Variants in ATP9B observed in about 807,000 individuals in gnomAD.
ATP9B encodes the protein ATPase phospholipid transporting 9B.
A neutral mutation model predicts 146.1 loss-of-function variants in ATP9B; 110 were observed. That is an observed-to-expected ratio of 0.75 (90% CI 0.65 to 0.88). The LOEUF is 0.88. Ranked by LOEUF, ATP9B falls within the 40% of genes least tolerant of loss-of-function variation. The pLI is 0.00. For missense variants in ATP9B, 1,499 were observed against 1,496.4 expected, an observed-to-expected ratio of 1.00 and a Z score of -0.03; for synonymous variants, 604 against 569.7, an observed-to-expected ratio of 1.06 and a Z score of -0.86.
intron 11 of ATP9B, among the ~76,000 whole-genome samples, chr18:79,218,873 C>T (rs1388755459): frequency 2.0e-5 from 3 of 152,296 alleles, no homozygotes; most frequent in Non-Finnish European, 4.4e-5. Flanking sequence ...ACTTCTAGCT[C>T]GTGTGCAGAA....
At chr18:79,316,241 G>A (rs544390427) in intron 15 of ATP9B, among the ~76,000 whole-genome samples, 14 of 152,236 alleles carry the variant, frequency 9.2e-5, no homozygotes, top group South Asian at 4.2e-4. Flanking sequence ...ACAAATGGCC[G>A]GTCGTGCAGG....
chr18:79,374,097 T>G lies in ATP9B; in HGVS notation c.3270T>G (p.Tyr1090Ter). The change falls in exon 28 of 30, where the codon TAT (tyrosine) becomes TAG (stop). Residue 1090 changes from tyrosine to a stop codon, truncating the protein, a stop_gained. Transcript: ENST00000426216. LOFTEE classifies it high-confidence loss of function. ...CCTCACTCGCTTTTCTCAATGAATA[T>G]TTTGGTAAGTTGCCTTGGAATTGTT... is the stretch of plus-strand genomic sequence containing the variant. ...YVSSLAFLNE[Y>*]FGIGRVSFGA... is the part of the protein sequence containing the mutation. 1 of 1,614,072 alleles carries G rather than the reference T, an allele frequency of 6.2e-7. No homozygotes were observed. Among genetic ancestry groups the G allele is most frequent in the Non-Finnish European group, 8.5e-7 (1 of 1,179,976 alleles).
intron 8 of ATP9B, among the ~76,000 whole-genome samples, chr18:79,180,815 CAG>C (rs1287784251): frequency 1.3e-5 from 2 of 150,720 alleles, no homozygotes; most frequent in Non-Finnish European, 3.0e-5. Context: ...TTTTTTGAGA[CAG>C]AGTCTCGCTC....
At chr18:79,156,605 G>T (rs1421350908) in intron 7 of ATP9B, among the ~76,000 whole-genome samples, 1 of 152,136 alleles carries the variant, frequency 6.6e-6, no homozygotes, top group African/African-American at 2.4e-5. Flanking sequence ...ATGATAGCTG[G>T]TGTTTCCTTA....
chr18:79,163,431 G>T (rs977084321), intron 7 of ATP9B, among the ~76,000 whole-genome samples: 1 of 151,998 alleles, frequency 6.6e-6, no homozygotes, highest in Non-Finnish European at 1.5e-5. Flanking sequence ...ATTCTCACTT[G>T]TTTTTTTCTT....
At chr18:79,116,940 T>TAAAAAAAAAAAAAAAAAAA (rs377608135) in intron 4 of ATP9B, among the ~76,000 whole-genome samples, 1 of 106,802 alleles carries the variant, frequency 9.4e-6, no homozygotes, top group African/African-American at 3.6e-5. Context: ...AAAAAAAAAT[T>TAAAAAAAAAAAAAAAAAAA]AAAAAAAAAA....
chr18:79,309,408 C>T (rs1194218408), intron 15 of ATP9B, among the ~76,000 whole-genome samples: 1,869 of 139,058 alleles, frequency 0.013, 3 homozygotes, highest in Non-Finnish European at 0.017. Context: ...GGAGTGATCC[C>T]CAGCAGGTAG....
chr18:79,280,063 A>G (rs1037133537), intron 13 of ATP9B, among the ~76,000 whole-genome samples: 1 of 152,244 alleles, frequency 6.6e-6, no homozygotes, highest in Non-Finnish European at 1.5e-5. Context: ...AAAAGCAAGC[A>G]ACTGTCTAGA....
chr18:79,342,868 C>G (rs1433429652), intron 20 of ATP9B, among the ~76,000 whole-genome samples: 3 of 152,156 alleles, frequency 2.0e-5, no homozygotes, highest in Non-Finnish European at 4.4e-5. Context: ...GTGAAACAAG[C>G]TATAAATACA....
intron 13 of ATP9B, among the ~76,000 whole-genome samples, chr18:79,286,050 A>G (rs1198832000): frequency 4.6e-5 from 7 of 151,496 alleles, no homozygotes; most frequent in East Asian, 1.9e-4. Context: ...GTCAGGTAGC[A>G]TGATGCCTCC....
Position 79,345,823 on chromosome 18 carries a change from T to C in ATP9B, c.2666T>C (p.Ile889Thr), listed in dbSNP as rs776059320. 13 of 1,614,226 alleles carry C rather than the reference T, an allele frequency of 8.1e-6. No homozygotes were observed. Among genetic ancestry groups the C allele is most frequent in the Middle Eastern group, 1.6e-4 (1 of 6,062 alleles). The change falls in exon 23 of 30, where the codon ATT becomes ACT. Residue 889 changes from isoleucine to threonine, a missense_variant. Physicochemically the swap from Ile to Thr is moderately conservative, Grantham distance 89 (BLOSUM62 -1). Coordinates refer to ENST00000426216, the MANE Select transcript of ATP9B (RefSeq NM_198531.5). Reference protein sequence around the residue: ...VSMIQAADCGIGIEGKEGKQA... With the variant: ...VSMIQAADCGTGIEGKEGKQA... Reference sequence around the variant, plus strand: ...ATGATTCAGGCAGCAGACTGTGGGATTGGGATTGAGGGAAAGGTAGGTTCG... The same window carrying C: ...ATGATTCAGGCAGCAGACTGTGGGACTGGGATTGAGGGAAAGGTAGGTTCG...
At chr18:79,100,280 A>G (rs1348205785) in intron 2 of ATP9B, among the ~76,000 whole-genome samples, 1 of 152,176 alleles carries the variant, frequency 6.6e-6, no homozygotes, top group Admixed American at 6.5e-5. Context: ...CAGTGAAGTC[A>G]TAGTTGTTGG....
At chr18:79,180,759 T>A (rs1194038199) in intron 8 of ATP9B, among the ~76,000 whole-genome samples, 1 of 151,178 alleles carries the variant, frequency 6.6e-6, no homozygotes, top group Non-Finnish European at 1.5e-5. Context: ...CAGTTTTTGT[T>A]TGTTTGAAAA....
At chr18:79,121,086 A>T (rs1272359853) in intron 4 of ATP9B, among the ~76,000 whole-genome samples, 1 of 152,150 alleles carries the variant, frequency 6.6e-6, no homozygotes, top group Non-Finnish European at 1.5e-5. Context: ...GATTTTTGTG[A>T]TATTTAAAAG....
At chr18:79,326,903 C>T (rs890973803) in intron 15 of ATP9B, among the ~76,000 whole-genome samples, 1 of 152,236 alleles carries the variant, frequency 6.6e-6, no homozygotes, top group Non-Finnish European at 1.5e-5. Context: ...ACTGTGTGCC[C>T]TCACACCTCA....
intron 8 of ATP9B, among the ~76,000 whole-genome samples, chr18:79,181,643 T>C (rs1464068589): frequency 6.6e-6 from 1 of 152,212 alleles, no homozygotes; most frequent in East Asian, 1.9e-4. Flanking sequence ...TATCTGTTGC[T>C]CTGTCATTAA....
intron 7 of ATP9B, among the ~76,000 whole-genome samples, chr18:79,163,420 G>A (rs1029098221): frequency 6.6e-6 from 1 of 152,150 alleles, no homozygotes; most frequent in Non-Finnish European, 1.5e-5. Context: ...AGACTCCAGA[G>A]ATTCTCACTT....
chr18:79,242,646 C>T (rs2095900519), intron 11 of ATP9B, among the ~76,000 whole-genome samples: 1 of 152,212 alleles, frequency 6.6e-6, no homozygotes, highest in South Asian at 2.1e-4. Flanking sequence ...GTATAATCAT[C>T]GTGTGATACC....
chr18:79,279,379 T>A (rs2145796286), intron 13 of ATP9B, among the ~76,000 whole-genome samples: 1 of 152,278 alleles, frequency 6.6e-6, no homozygotes, highest in Non-Finnish European at 1.5e-5. Flanking sequence ...CCCAGCTTAC[T>A]TTACAAACAA....
Sources: gnomAD v4.1 joint callset for allele counts (sites outside exome capture counted in the v4.1 genomes callset) on GRCh38, gnomAD v4.1.1 for gene constraint, MANE v1.5 for transcripts, NCBI Gene and HGNC (gene_info 2026-07-23, HGNC 2026-07-21) for gene names.